The following ADAMTSL3 variants were observed in gnomAD, a reference collection of about 807,000 sequenced individuals.
The protein encoded by ADAMTSL3 is ADAMTS like 3.
A neutral mutation model predicts 201.7 loss-of-function variants in ADAMTSL3; 128 were observed. The ratio of observed to expected loss-of-function variants is 0.63; its 90% CI spans 0.55 to 0.73. The LOEUF (loss-of-function observed/expected upper bound fraction) is 0.73, where lower values mean the gene tolerates loss of function less well. Ranked by LOEUF, ADAMTSL3 falls within the 30% of genes least tolerant of loss-of-function variation. The probability of loss-of-function intolerance (pLI) is 0.00; values close to 1 mark genes in which losing one functional copy is unlikely to be tolerated. For missense variants in ADAMTSL3, 1,990 were observed against 2,119.6 expected, an observed-to-expected ratio of 0.94 and a Z score of 1.20; for synonymous variants, 738 against 748.4, an observed-to-expected ratio of 0.99 and a Z score of 0.23.
intron 7 of ADAMTSL3, among the ~76,000 whole-genome samples, chr15:83,849,190 A>G (rs949216747): frequency 6.6e-6 from 1 of 152,152 alleles, no homozygotes; most frequent in Non-Finnish European, 1.5e-5. Flanking sequence ...GCAATAGCAT[A>G]ATCCTGGCTC....
At chr15:83,662,346 T>G (rs1283013742) in intron 2 of ADAMTSL3, among the ~76,000 whole-genome samples, 1 of 140,518 alleles carries the variant, frequency 7.1e-6, no homozygotes, top group Non-Finnish European at 1.5e-5. Flanking sequence ...CACCGCATAT[T>G]CTCACTCATA....
rs565154791 is a variant in ADAMTSL3 at position 83,930,334 on chromosome 15, G to A, written c.2117+6301G>A. Among the ~76,000 whole-genome samples, 33 of 152,280 alleles carry A rather than the reference G, an allele frequency of 2.2e-4. No homozygotes were observed. In the East Asian group the frequency reaches 5.0e-3, roughly 23 times the overall value. ...TATGTCCATACCTGAGTAGTGTGAC[G>A]TGCTTGGGGTTTTAGTTCTAAGGAT... On this transcript the variant is annotated intron_variant, in intron 17 of 29. Coordinates refer to ENST00000286744, the MANE Select transcript of ADAMTSL3 (RefSeq NM_207517.3).
rs12901723 is a variant in ADAMTSL3, at chr15:83,942,878, G to A, written c.2311-25G>A. 276,656 of 1,606,874 alleles carry A rather than the reference G, an allele frequency of 0.17. 25,958 individuals carry two copies. The highest frequency in any genetic ancestry group is 0.36 in the Middle Eastern group (2,186 of 6,008). ...TAACATAGAGTGGGCCAAGCCTGCCGCCTCACCCCCTCTTGTCTTCTTAGT... is the reference window on the plus strand; with the variant it reads ...TAACATAGAGTGGGCCAAGCCTGCCACCTCACCCCCTCTTGTCTTCTTAGT... On this transcript the variant is annotated intron_variant, in intron 18 of 29. Transcript: ENST00000286744.
At chr15:83,737,319 C>T (rs1041890510) in intron 3 of ADAMTSL3, among the ~76,000 whole-genome samples, 3 of 152,112 alleles carry the variant, frequency 2.0e-5, no homozygotes, top group African/African-American at 7.2e-5. Context: ...GGTTTTGTGT[C>T]TCCTCCCAAA....
chr15:83,744,883 T>C (rs1234265852), intron 3 of ADAMTSL3, among the ~76,000 whole-genome samples: 1 of 152,108 alleles, frequency 6.6e-6, no homozygotes, highest in Non-Finnish European at 1.5e-5. Flanking sequence ...ATTATATCGA[T>C]GGGGACAGGA....
chr15:83,784,306 A>C (rs1179544862), intron 4 of ADAMTSL3, among the ~76,000 whole-genome samples: 1 of 151,952 alleles, frequency 6.6e-6, no homozygotes, highest in African/African-American at 2.4e-5. Context: ...ATCATCTGCC[A>C]CTCTAATGTA....
Position 83,890,258 on chromosome 15 carries a change from T to TTGTCC in ADAMTSL3, c.1211+12_1211+16dup. ...TCCCTGCCCATCAAGGTTTGTGTCA[T>TTGTCC]TGTCCACACCCTTTTTACTTCAAAA... On this transcript the variant is annotated intron_variant, in intron 11 of 29. Coordinates refer to ENST00000286744, the MANE Select transcript of ADAMTSL3 (RefSeq NM_207517.3). The TTGTCC allele has an allele frequency of 1.2e-6, 2 of 1,613,200 alleles. No individual in the cohort carries two copies. Among genetic ancestry groups the TTGTCC allele is most frequent in the Non-Finnish European group, 1.7e-6 (2 of 1,179,536 alleles).
At chr15:83,919,426 G>A (rs1194154880) in intron 16 of ADAMTSL3, among the ~76,000 whole-genome samples, 3 of 152,152 alleles carry the variant, frequency 2.0e-5, no homozygotes, top group Non-Finnish European at 4.4e-5. Flanking sequence ...TGCTTGCCAT[G>A]CAGAGGCGGA....
At chr15:83,922,323 G>A (rs1161960605) in intron 16 of ADAMTSL3, among the ~76,000 whole-genome samples, 1 of 152,138 alleles carries the variant, frequency 6.6e-6, no homozygotes, top group Admixed American at 6.5e-5. Flanking sequence ...ACAGAAAAGT[G>A]TGTCATGAGT....
At chr15:83,864,081 A>G (rs532875058) in intron 8 of ADAMTSL3, among the ~76,000 whole-genome samples, 381 of 152,354 alleles carry the variant, frequency 2.5e-3, no homozygotes, top group Non-Finnish European at 3.6e-3. Flanking sequence ...TGAATCTCTG[A>G]ATAGACCAAT....
intron 29 of ADAMTSL3, among the ~76,000 whole-genome samples, chr15:84,037,239 G>A (rs978174124): frequency 5.3e-5 from 8 of 152,158 alleles, no homozygotes; most frequent in African/African-American, 1.7e-4. Context: ...CTGCCTTTCC[G>A]ACAAGCACTG....
rs2064787041 is a variant in ADAMTSL3, at chr15:83,858,477, A to G, written c.728-289A>G. Among the ~76,000 whole-genome samples, 3 of 152,038 alleles carry G rather than the reference A, an allele frequency of 2.0e-5. No homozygotes were observed. In the South Asian group the frequency reaches 6.2e-4, roughly 32 times the overall value. ...AGACTCCATCTCCTGGGTTCCAGCA[A>G]TTCTCCTGCCTCAGCCTCCCGGGTA... On this transcript the variant is annotated intron_variant, in intron 7 of 29. Transcript: ENST00000286744.
At chr15:84,014,792 G>A (rs1472866649) in intron 24 of ADAMTSL3, 68 bp downstream of exon 24, 7 of 1,468,504 alleles carry the variant, frequency 4.8e-6, no homozygotes, top group Non-Finnish European at 6.4e-6. Context: ...CCCCAGTTTT[G>A]TTGATTTTGG....
intron 19 of ADAMTSL3, among the ~76,000 whole-genome samples, chr15:83,948,814 G>T (rs1207207333): frequency 6.6e-6 from 1 of 151,906 alleles, no homozygotes; most frequent in African/African-American, 2.4e-5. Flanking sequence ...TATTAATTAT[G>T]AGTTTTTTAT....
In ADAMTSL3 at chr15:83,942,990, G is replaced by A. The variant is rs1208699384; in HGVS notation, c.2398G>A (p.Asp800Asn). 6.2e-7 allele frequency: 1 copy of A among 1,614,114 alleles called. No homozygotes were observed. Reference sequence around the variant, plus strand: ...GGATGGCAGCTTTTTGAATCTCTCAGATGAATTGTGCCAAGGACCCAAGGC... The same window carrying A: ...GGATGGCAGCTTTTTGAATCTCTCAAATGAATTGTGCCAAGGACCCAAGGC... ...LTDGSFLNLS[D>N]ELCQGPKASS... Residue 800 changes from aspartate to asparagine, a missense_variant, in exon 19 of 30, where the codon GAT becomes AAT. Coordinates refer to ENST00000286744, the MANE Select transcript of ADAMTSL3 (RefSeq NM_207517.3).
At chr15:83,859,515 T>C (rs2064811194) in intron 8 of ADAMTSL3, among the ~76,000 whole-genome samples, 1 of 152,200 alleles carries the variant, frequency 6.6e-6, no homozygotes, top group Non-Finnish European at 1.5e-5. Context: ...TTATCTTCAG[T>C]TTCTATAGGG....
intron 2 of ADAMTSL3, among the ~76,000 whole-genome samples, chr15:83,664,629 A>T (rs1004179397): frequency 6.6e-6 from 1 of 152,124 alleles, no homozygotes; most frequent in Non-Finnish European, 1.5e-5. Context: ...GTTTCCATTG[A>T]TGCTGTGTTT....
chr15:83,752,905 C>T (rs1164647465), intron 3 of ADAMTSL3, among the ~76,000 whole-genome samples: 1 of 152,218 alleles, frequency 6.6e-6, no homozygotes, highest in East Asian at 1.9e-4. Context: ...TCTCATCCAT[C>T]AAGATTCAGC....
chr15:83,763,796 C>T (rs2141714463), intron 3 of ADAMTSL3, among the ~76,000 whole-genome samples: 1 of 152,366 alleles, frequency 6.6e-6, no homozygotes, highest in East Asian at 1.9e-4. Flanking sequence ...TGAGCCACCG[C>T]ACCCGGCCTA....
Sources: allele counts gnomAD v4.1 joint callset (sites outside exome capture counted in the v4.1 genomes callset), GRCh38; gene constraint gnomAD v4.1.1; transcripts MANE v1.5; gene names NCBI Gene and HGNC (gene_info 2026-07-23, HGNC 2026-07-21).